The following ERICH1 variants were observed in gnomAD, a reference collection of about 807,000 sequenced individuals.
ERICH1 encodes glutamate-rich protein 1.
A neutral mutation model predicts 39.6 loss-of-function variants in ERICH1; 56 were observed. The observed-to-expected ratio is 1.41, with a 90% CI of 1.14 to 1.77. The LOEUF is 1.77. Ranked by LOEUF, ERICH1 falls within the 40% of genes most tolerant of loss-of-function variation. ERICH1 has a pLI of 0.00. For missense variants in ERICH1, 826 were observed against 575.4 expected, an observed-to-expected ratio of 1.44 and a Z score of -4.45; for synonymous variants, 313 against 223.6, an observed-to-expected ratio of 1.40 and a Z score of -3.57.
intron 1 of ERICH1, among the ~76,000 whole-genome samples, chr8:716,492 C>T (rs1677572613): frequency 6.6e-6 from 1 of 152,210 alleles, no homozygotes; most frequent in Non-Finnish European, 1.5e-5. Context: ...CTCTGGGAAC[C>T]CACGGTCTGC....
At chr8:617,329 C>A (rs955334513) in intron 3 of ERICH1, among the ~76,000 whole-genome samples, 36 of 152,204 alleles carry the variant, frequency 2.4e-4, no homozygotes, top group Non-Finnish European at 4.6e-4. Flanking sequence ...GGGCTTCCCC[C>A]ACCATGTCCA....
intron 1 of ERICH1, among the ~76,000 whole-genome samples, chr8:722,295 G>T (rs535495785): frequency 6.6e-6 from 1 of 150,844 alleles, no homozygotes; most frequent in African/African-American, 2.4e-5. Flanking sequence ...CCGAGAAAAA[G>T]AGAGACACAA....
intron 2 of ERICH1, among the ~76,000 whole-genome samples, chr8:707,755 A>G (rs1813644933): frequency 6.6e-6 from 1 of 152,254 alleles, no homozygotes; most frequent in Non-Finnish European, 1.5e-5. Flanking sequence ...CTTAAATATG[A>G]TATAAAAAAC....
rs1367076271 is a variant in ERICH1 at position 687,659 on chromosome 8, G to A, written c.304+4819C>T. Among the ~76,000 whole-genome samples the A allele has an allele frequency of 3.3e-5, 5 of 152,160 alleles. No homozygotes were observed. In the East Asian group the frequency reaches 9.7e-4, roughly 29 times the overall value. On this transcript the variant is annotated intron_variant, in intron 3 of 5. Coordinates refer to ENST00000262109, the MANE Select transcript of ERICH1 (RefSeq NM_207332.3). ...GGCAGCGCGCGGGGAGCGCCCGGGC[G>A]GCCCAGGCGAGGCAGGACGCAGCGC...
chr8:651,312 GA>G (rs1386369403), intron 3 of ERICH1, among the ~76,000 whole-genome samples: 1 of 152,194 alleles, frequency 6.6e-6, no homozygotes, highest in African/African-American at 2.4e-5. Flanking sequence ...GTGGGAGTGG[GA>G]AAAGAGGGGA....
intron 3 of ERICH1, among the ~76,000 whole-genome samples, chr8:619,908 A>C (rs1293113655): frequency 6.6e-6 from 1 of 152,238 alleles, no homozygotes; most frequent in Non-Finnish European, 1.5e-5. Flanking sequence ...CTAAGAAAAT[A>C]AACAATACAG....
intron 1 of ERICH1, chr8:725,159 C>CG (rs1337025236): frequency 5.2e-6 from 1 of 192,584 alleles, no homozygotes; most frequent in South Asian, 7.2e-5. Context: ...CTCCGGCTTC[C>CG]TGTCTGCTGT....
chr8:692,327 A>C, intron 3 of ERICH1, 151 bp downstream of exon 3: 1 of 1,144,844 alleles, frequency 8.7e-7, no homozygotes. Flanking sequence ...TAAAATACAA[A>C]GGTACACCAT....
At chr8:665,239 T>C (rs1363209872) in intron 5 of ERICH1, among the ~76,000 whole-genome samples, 2 of 151,780 alleles carry the variant, frequency 1.3e-5, no homozygotes, top group African/African-American at 4.8e-5. Flanking sequence ...GGGACATGGC[T>C]CCGACCTCTG....
chr8:625,420 G>A (rs147755726), intron 3 of ERICH1, among the ~76,000 whole-genome samples: 62 of 152,248 alleles, frequency 4.1e-4, no homozygotes, highest in African/African-American at 1.3e-3. Context: ...CCACAGAAGT[G>A]GACAAATCTA....
chr8:615,141 G>T, exon 4 of ERICH1: 3 of 619,756 alleles, frequency 4.8e-6, no homozygotes, highest in South Asian at 3.9e-5. Context: ...CCGGTCCACT[G>T]CTTAAAAAGT....
intron 4 of ERICH1, among the ~76,000 whole-genome samples, chr8:670,800 C>T (rs556340425): frequency 3.5e-4 from 53 of 152,116 alleles, no homozygotes; most frequent in Admixed American, 2.0e-4. Flanking sequence ...GCCCCAGGTC[C>T]AACATCTGAG....
In ERICH1 at chr8:692,606, C is replaced by G; in HGVS notation, c.176G>C (p.Gly59Ala). 2.5e-6 allele frequency: 4 copies of G among 1,593,198 alleles called. No individual in the cohort carries two copies. The highest frequency in any genetic ancestry group is 3.4e-6 in the Non-Finnish European group (4 of 1,168,714). ...QKHAEPLTDT[G>A]SETPTARRLY... is the part of the protein sequence containing the mutation. ...CCGTCGGGCAGTCGGGGTCTCAGAG[C>G]CAGTGTCTGCAACACAGGAGGAAAA... Residue 59 changes from glycine to alanine, a missense_variant, in exon 3 of 6, where the codon GGC becomes GCC. By Grantham distance (60) the Gly-to-Ala change is moderately conservative (BLOSUM62 0). Transcript: ENST00000262109.
chr8:617,683 CCT>C (rs1169688188), intron 3 of ERICH1, among the ~76,000 whole-genome samples: 1 of 150,910 alleles, frequency 6.6e-6, no homozygotes, highest in African/African-American at 2.4e-5. Context: ...TCCTCACTGC[CCT>C]CTAAGTGGTC....
At chr8:620,585 G>T (rs752018086) in intron 3 of ERICH1, among the ~76,000 whole-genome samples, 2 of 152,088 alleles carry the variant, frequency 1.3e-5, no homozygotes, top group South Asian at 2.1e-4. Context: ...AAATACAAAT[G>T]AGTTGAAAGT....
intron 2 of ERICH1, among the ~76,000 whole-genome samples, chr8:715,424 T>C (rs534233685): frequency 2.0e-5 from 3 of 151,976 alleles, no homozygotes; most frequent in Admixed American, 6.6e-5. Flanking sequence ...CATGGGGCTG[T>C]CATGGGACAG....
chr8:693,560 G>A (rs564535367), intron 2 of ERICH1, among the ~76,000 whole-genome samples: 3 of 152,272 alleles, frequency 2.0e-5, no homozygotes, highest in African/African-American at 4.8e-5. Flanking sequence ...CGTTACCACC[G>A]TGGACAGCTG....
chr8:722,338 C>T (rs765044291), intron 1 of ERICH1, among the ~76,000 whole-genome samples: 11 of 151,740 alleles, frequency 7.2e-5, no homozygotes, highest in Non-Finnish European at 1.3e-4. Context: ...AAAAACACCC[C>T]GTCTGAAATT....
chr8:703,296 G>A lies in ERICH1; in HGVS notation c.170-10684C>T, dbSNP rs139798838. The stretch of plus-strand genomic sequence containing the variant: ...CCTCCTCCTAAGGCCCCACCAAAAT[G>A]AGAATAAGTGGGTTTGCAACACACA... On this transcript the variant is annotated intron_variant, in intron 2 of 5. Transcript: ENST00000262109. 9.0e-3 allele frequency among the ~76,000 whole-genome samples: 1,375 copies of A among 152,262 alleles called. 17 individuals are homozygous for A. Among genetic ancestry groups the A allele is most frequent in the African/African-American group, 0.029 (1,200 of 41,546 alleles).
Sources: allele counts gnomAD v4.1 joint callset (sites outside exome capture counted in the v4.1 genomes callset), GRCh38; gene constraint gnomAD v4.1.1; transcripts MANE v1.5; gene names NCBI Gene and HGNC (gene_info 2026-07-23, HGNC 2026-07-21).